Variants in ATP6V1G1 observed in about 807,000 individuals in gnomAD.
ATP6V1G1 encodes the protein V-type proton ATPase subunit G 1.
Under a neutral mutation model 14.2 loss-of-function variants are expected in ATP6V1G1, and 14 were observed. The ratio of observed to expected loss-of-function variants is 0.99; its 90% CI spans 0.65 to 1.55. The LOEUF (loss-of-function observed/expected upper bound fraction) is 1.55. Among genes scored for constraint, ATP6V1G1 ranks in the 40% most tolerant of loss-of-function variants. The pLI, the probability that ATP6V1G1 is intolerant of heterozygous loss-of-function variation, is 0.00. For missense variants in ATP6V1G1, 137 were observed against 146.4 expected, an observed-to-expected ratio of 0.94 and a Z score of 0.33; for synonymous variants, 65 against 53.3, an observed-to-expected ratio of 1.22 and a Z score of -0.96.
chr9:114,588,000 C>T (rs1204661344), intron 1 of ATP6V1G1, 80 bp downstream of exon 1: 6 of 1,451,620 alleles, frequency 4.1e-6, no homozygotes, highest in East Asian at 2.5e-5. Context: ...GTAGATTAGG[C>T]CCGAAAAACT....
intron 2 of ATP6V1G1, among the ~76,000 whole-genome samples, chr9:114,596,213 C>T (rs1845235875): frequency 6.6e-6 from 1 of 151,944 alleles, no homozygotes; most frequent in East Asian, 1.9e-4. Flanking sequence ...GAAACCCTGT[C>T]TCTACTAAAA....
Position 114,598,393 on chromosome 9 carries a change from T to C in ATP6V1G1, c.*650T>C, listed in dbSNP as rs1373416709. The C allele has an allele frequency of 6.6e-6, 1 of 152,264 alleles. No individual in the cohort carries two copies. Among genetic ancestry groups the C allele is most frequent in the Admixed American group, 6.6e-5 (1 of 15,172 alleles). 9.4% of individuals were successfully genotyped at this position (152,264 alleles called of 1,614,324 possible). On this transcript the variant is annotated 3_prime_UTR_variant, in exon 3 of 3. Coordinates refer to ENST00000374050, the MANE Select transcript of ATP6V1G1 (RefSeq NM_004888.4). The stretch of plus-strand genomic sequence containing the variant: ...CATGCATTTTTCCCCATTCTTTTTT[T>C]TTTCCCTGTCTCCGTGACAACCAGT...
In ATP6V1G1 at chr9:114,597,998, CTT is replaced by C. The variant is rs1845258869; in HGVS notation, c.*258_*259del. Reference sequence around the variant, plus strand: ...TATATGTTGTCTTTTTTTCCTATGTCTTTTGGCTCAAGCAACATGTATATCAG... The same window carrying C: ...TATATGTTGTCTTTTTTTCCTATGTCTTGGCTCAAGCAACATGTATATCAG... On this transcript the variant is annotated 3_prime_UTR_variant, in exon 3 of 3. Coordinates refer to ENST00000374050, the MANE Select transcript of ATP6V1G1 (RefSeq NM_004888.4). 4.2e-6 allele frequency: 1 copy of C among 236,172 alleles called. No homozygotes were observed. Among genetic ancestry groups the C allele is most frequent in the African/African-American group, 2.3e-5 (1 of 43,734 alleles). The allele number at this position is 236,172 out of a possible 1,614,324, so 14.6% of individuals were successfully genotyped here. A position where few individuals can be genotyped will look rare whatever the true frequency, so the allele number is the denominator to read the frequency against.
chr9:114,591,449 A>T (rs925054865), intron 1 of ATP6V1G1, among the ~76,000 whole-genome samples: 2 of 152,194 alleles, frequency 1.3e-5, no homozygotes, highest in Admixed American at 6.5e-5. Context: ...ATTATAGCTG[A>T]TGGGAAGATA....
intron 2 of ATP6V1G1, among the ~76,000 whole-genome samples, chr9:114,595,148 G>A (rs368738781): frequency 1.9e-4 from 29 of 152,124 alleles, no homozygotes; most frequent in Middle Eastern, 6.8e-3. Flanking sequence ...GATTAGAGGT[G>A]TGAGCTACCA....
At chr9:114,594,575 G>T (rs1564274819) in intron 2 of ATP6V1G1, among the ~76,000 whole-genome samples, 2 of 151,986 alleles carry the variant, frequency 1.3e-5, no homozygotes, top group Non-Finnish European at 2.9e-5. Flanking sequence ...GAAGAGACGG[G>T]GGTTTCACTG....
At chr9:114,590,781 TA>T (rs1428841173) in intron 1 of ATP6V1G1, among the ~76,000 whole-genome samples, 3 of 151,866 alleles carry the variant, frequency 2.0e-5, no homozygotes, top group African/African-American at 7.2e-5. Context: ...TTTTTTATTT[TA>T]TTTTATATAT....
intron 2 of ATP6V1G1, among the ~76,000 whole-genome samples, chr9:114,597,134 G>A (rs1845247867): frequency 1.3e-5 from 2 of 151,622 alleles, no homozygotes; most frequent in South Asian, 4.2e-4. Flanking sequence ...GGGACTACAG[G>A]CGCCCGCTAC....
rs1845269074 is a variant in ATP6V1G1 at position 114,598,748 on chromosome 9, C to G, written c.*1005C>G. Among the ~76,000 whole-genome samples the G allele has an allele frequency of 6.6e-6, 1 of 152,146 alleles. No homozygotes were observed. Among genetic ancestry groups the G allele is most frequent in the South Asian group, 2.1e-4 (1 of 4,832 alleles). On this transcript the variant is annotated 3_prime_UTR_variant, in exon 3 of 3. Transcript: ENST00000374050. Reference sequence around the variant, plus strand: ...TACTAGCCCTTACAAGTTAAATGTCCTGTGGCCATCTTAGCCGAAAGTCTT... The same window carrying G: ...TACTAGCCCTTACAAGTTAAATGTCGTGTGGCCATCTTAGCCGAAAGTCTT...
chr9:114,597,559 C>T lies in ATP6V1G1; in HGVS notation c.184-11C>T. 6.7e-7 allele frequency: 1 copy of T among 1,488,000 alleles called. No individual in the cohort carries two copies. Among genetic ancestry groups the T allele is most frequent in the South Asian group, 1.4e-5 (1 of 70,444 alleles). The allele number at this position is 1,488,000 out of a possible 1,614,324, so 92.2% of individuals were successfully genotyped here. ...TGATAATCCCTCCGTGACATCACTC[C>T]CCATCTCCAGGCATTGGGATCCCGT... is the stretch of plus-strand genomic sequence containing the variant. On this transcript the variant is annotated splice_polypyrimidine_tract_variant and intron_variant, in intron 2 of 2. Transcript: ENST00000374050.
At chr9:114,597,351 T>C (rs1845250268) in intron 2 of ATP6V1G1, among the ~76,000 whole-genome samples, 1 of 152,192 alleles carries the variant, frequency 6.6e-6, no homozygotes, top group Non-Finnish European at 1.5e-5. Context: ...TTCCTAGCAG[T>C]GGGAATACTG....
At chr9:114,595,820 TG>T (rs1845232168) in intron 2 of ATP6V1G1, among the ~76,000 whole-genome samples, 2 of 152,022 alleles carry the variant, frequency 1.3e-5, no homozygotes, top group African/African-American at 4.8e-5. Flanking sequence ...TATAGGTCGT[TG>T]TGAGGAATAG....
rs556175934 is a variant in ATP6V1G1, at chr9:114,588,852, TATGATTTCCCTACCGCCTTTGTAGTCAG to T, written c.82+934_82+961del. ...AACAAAATAAATAAATAAGTGCAGA[TATGATTTCCCTACCGCCTTTGTAGTCAG>T]ACGTTTAGTTCCTGCAGAAGAAAGC... On this transcript the variant is annotated intron_variant, in intron 1 of 2. Coordinates refer to ENST00000374050, the MANE Select transcript of ATP6V1G1 (RefSeq NM_004888.4). 6.9e-3 allele frequency among the ~76,000 whole-genome samples: 1,047 copies of T among 152,234 alleles called. 10 individuals carry two copies. Among genetic ancestry groups the T allele is most frequent in the African/African-American group, 0.024 (1,009 of 41,528 alleles).
At chr9:114,597,462 A>T (rs769838515) in intron 2 of ATP6V1G1, 108 bp from the exon 3 acceptor site, 666 of 1,155,730 alleles carry the variant, frequency 5.8e-4, no homozygotes, top group Non-Finnish European at 7.3e-4. Context: ...GTATACTGAT[A>T]GGTGAGCCTG....
intron 2 of ATP6V1G1, among the ~76,000 whole-genome samples, chr9:114,594,185 T>A (rs1305032387): frequency 1.3e-5 from 2 of 151,022 alleles, no homozygotes; most frequent in African/African-American, 4.9e-5. Flanking sequence ...TTCTTCCACC[T>A]CAACCTCCCG....
In ATP6V1G1 at chr9:114,598,791, A is replaced by C. The variant is rs1845269865; in HGVS notation, c.*1048A>C. Among the ~76,000 whole-genome samples the C allele has an allele frequency of 6.6e-6, 1 of 152,126 alleles. No homozygotes were observed. Among genetic ancestry groups the C allele is most frequent in the African/African-American group, 2.4e-5 (1 of 41,412 alleles). ...AAAGTCTTTGGTTGCAAAATCTTAT[A>C]GGTAAAAACAGTTGAAAGAACATTA... On this transcript the variant is annotated 3_prime_UTR_variant, in exon 3 of 3. Transcript: ENST00000374050.
intron 2 of ATP6V1G1, among the ~76,000 whole-genome samples, chr9:114,593,206 G>A (rs1845201820): frequency 6.6e-6 from 1 of 152,206 alleles, no homozygotes; most frequent in Non-Finnish European, 1.5e-5. Context: ...GGAAAGGATG[G>A]ATAAGGGCCT....
chr9:114,587,944 C>A, intron 1 of ATP6V1G1, 24 bp downstream of exon 1: 1 of 1,555,704 alleles, frequency 6.4e-7, no homozygotes, highest in Non-Finnish European at 8.7e-7. Context: ...TGGGGCTGCC[C>A]GGCGTGGCGC....
chr9:114,592,604 A>G lies in ATP6V1G1; in HGVS notation c.135A>G (p.Glu45=). 1.3e-6 allele frequency: 2 copies of G among 1,577,750 alleles called. No individual in the cohort carries two copies. The highest frequency in any genetic ancestry group is 1.7e-6 in the Non-Finnish European group (2 of 1,161,002). ...AAGAAGAAGCTCAGGCTGAAATTGA[A>G]CAGTACCGCCTGCAGAGGGAGAAAG... ...QAKEEAQAEI[E]QYRLQREKEF... Residue 45 remains glutamate, a synonymous_variant, in exon 2 of 3, where the codon GAA becomes GAG. Transcript: ENST00000374050.
Sources: gnomAD v4.1 joint callset for allele counts (sites outside exome capture counted in the v4.1 genomes callset) on GRCh38, gnomAD v4.1.1 for gene constraint, MANE v1.5 for transcripts, NCBI Gene and HGNC (gene_info 2026-07-23, HGNC 2026-07-21) for gene names.